GRIN2A: variants seen among roughly 807,000 people sequenced by gnomAD.
The protein encoded by GRIN2A is glutamate receptor ionotropic, NMDA 2A.
Under a neutral mutation model 113.4 loss-of-function variants are expected in GRIN2A, and 22 were observed. The observed-to-expected ratio is 0.19, with a 90% CI of 0.14 to 0.28. The LOEUF (loss-of-function observed/expected upper bound fraction) is 0.28. Among genes scored for constraint, GRIN2A ranks in the 10% least tolerant of loss-of-function variants. GRIN2A has a pLI of 1.00. For synonymous variants in GRIN2A, 827 were observed against 738.4 expected (o/e 1.12, Z -1.94); for missense variants, 1,502 against 1,887.0 (o/e 0.80, Z 3.78).
Position 10,065,322 on chromosome 16 carries a change from C to T in GRIN2A, c.414+114676G>A, listed in dbSNP as rs565907069. ...AAAACTTGTTAGCAAAAGAATGCAC[C>T]TGCAACCCAGAGCATCTACTCTTGT... On this transcript the variant is annotated intron_variant, in intron 2 of 12. Transcript: ENST00000330684. 7.2e-5 allele frequency among the ~76,000 whole-genome samples: 11 copies of T among 152,296 alleles called. 1 individual carries two copies. In the East Asian group the frequency reaches 2.1e-3, roughly 29 times the overall value.
chr16:10,077,213 CA>C (rs1391437588), intron 2 of GRIN2A, among the ~76,000 whole-genome samples: 1 of 152,146 alleles, frequency 6.6e-6, no homozygotes, highest in Non-Finnish European at 1.5e-5. Flanking sequence ...GATTTTAGCC[CA>C]GTGAGATGTG....
chr16:9,879,415 A>T (rs186434587), intron 4 of GRIN2A, among the ~76,000 whole-genome samples: 254 of 152,218 alleles, frequency 1.7e-3, no homozygotes, highest in Admixed American at 6.5e-3. Context: ...CTAAAAAAAA[A>T]TTTTTTTAAT....
chr16:9,903,031 C>T (rs1022160076), intron 3 of GRIN2A, among the ~76,000 whole-genome samples: 4 of 146,258 alleles, frequency 2.7e-5, no homozygotes, highest in African/African-American at 5.1e-5. Flanking sequence ...TGCAGTGGTA[C>T]GATCTCGGCT....
At chr16:10,145,824 C>G (rs901982562) in intron 2 of GRIN2A, among the ~76,000 whole-genome samples, 2 of 152,140 alleles carry the variant, frequency 1.3e-5, no homozygotes, top group African/African-American at 2.4e-5. Flanking sequence ...CAATTCTGTT[C>G]TAATAAAACT....
At chr16:9,797,477 A>G (rs2141227826) in intron 11 of GRIN2A, among the ~76,000 whole-genome samples, 1 of 152,334 alleles carries the variant, frequency 6.6e-6, no homozygotes, top group Middle Eastern at 3.4e-3. Context: ...CTGGTGACAC[A>G]GCTGGCCCAA....
chr16:10,009,989 C>G (rs984805808), intron 2 of GRIN2A, among the ~76,000 whole-genome samples: 1 of 152,250 alleles, frequency 6.6e-6, no homozygotes, highest in Non-Finnish European at 1.5e-5. Context: ...TGCACAGTCA[C>G]TTGTCTTGGG....
intron 2 of GRIN2A, among the ~76,000 whole-genome samples, chr16:10,012,902 G>C (rs1045491501): frequency 1.2e-4 from 19 of 152,186 alleles, no homozygotes; most frequent in Middle Eastern, 3.2e-3. Flanking sequence ...TTTTAAGCCA[G>C]TAAGTTTGCG....
At chr16:9,824,849 T>A (rs1007998101) in intron 9 of GRIN2A, among the ~76,000 whole-genome samples, 3 of 152,130 alleles carry the variant, frequency 2.0e-5, no homozygotes, top group African/African-American at 7.2e-5. Context: ...TAAAGAGTCA[T>A]GACCTACAGC....
chr16:10,009,279 T>A (rs746553662), intron 2 of GRIN2A, among the ~76,000 whole-genome samples: 15 of 152,222 alleles, frequency 9.9e-5, no homozygotes, highest in Non-Finnish European at 1.5e-4. Context: ...TGTAATCCCA[T>A]GTGGGTATTG....
At chr16:9,956,575 G>A (rs1197408089) in intron 2 of GRIN2A, among the ~76,000 whole-genome samples, 1 of 152,158 alleles carries the variant, frequency 6.6e-6, no homozygotes, top group African/African-American at 2.4e-5. Flanking sequence ...GTACAGTGCT[G>A]AAGGCTGAGA....
intron 11 of GRIN2A, among the ~76,000 whole-genome samples, chr16:9,791,999 A>C (rs1044357380): frequency 3.9e-5 from 6 of 152,112 alleles, no homozygotes; most frequent in Admixed American, 3.9e-4. Context: ...CAATCTGTTA[A>C]CAATCTAGAT....
intron 4 of GRIN2A, among the ~76,000 whole-genome samples, chr16:9,866,619 T>C (rs2043164364): frequency 2.6e-5 from 4 of 152,208 alleles, no homozygotes; most frequent in Admixed American, 2.6e-4. Context: ...ATAATATTGG[T>C]GATTTCATCC....
At chr16:9,800,166 G>C (rs1234981779) in intron 10 of GRIN2A, among the ~76,000 whole-genome samples, 2 of 151,950 alleles carry the variant, frequency 1.3e-5, no homozygotes, top group African/African-American at 2.4e-5. Flanking sequence ...GTAGAGACAG[G>C]GTTTCACCAG....
chr16:9,847,603 A>G (rs1252679313), intron 5 of GRIN2A, among the ~76,000 whole-genome samples: 1 of 151,168 alleles, frequency 6.6e-6, no homozygotes, highest in Non-Finnish European at 1.5e-5. Flanking sequence ...TTTTTAACAC[A>G]TAAAAATATA....
chr16:9,836,964 T>C (rs2141332426), intron 7 of GRIN2A, among the ~76,000 whole-genome samples: 1 of 152,332 alleles, frequency 6.6e-6, no homozygotes, highest in African/African-American at 2.4e-5. Flanking sequence ...ATGCCATCTC[T>C]GTCCTTGAAG....
At chr16:10,015,969 G>C (rs997477845) in intron 2 of GRIN2A, among the ~76,000 whole-genome samples, 1 of 151,962 alleles carries the variant, frequency 6.6e-6, no homozygotes, top group South Asian at 2.1e-4. Context: ...TACAAAAATT[G>C]GTTGGGTGTG....
chr16:9,772,188 A>G (rs189675556), intron 11 of GRIN2A, among the ~76,000 whole-genome samples: 15 of 152,308 alleles, frequency 9.8e-5, no homozygotes, highest in Admixed American at 9.8e-4. Context: ...GCACAGTCAC[A>G]AAGTCATGGG....
intron 10 of GRIN2A, among the ~76,000 whole-genome samples, chr16:9,802,039 A>C (rs1400431503): frequency 6.6e-6 from 1 of 152,212 alleles, no homozygotes; most frequent in African/African-American, 2.4e-5. Flanking sequence ...ACCAGTCAGA[A>C]AGGGCTATTA....
At chr16:10,174,723 C>T (rs1418196726) in intron 2 of GRIN2A, among the ~76,000 whole-genome samples, 1 of 151,680 alleles carries the variant, frequency 6.6e-6, no homozygotes, top group African/African-American at 2.4e-5. Context: ...AATAATAGAC[C>T]ATCCATGCTG....
Sources: gnomAD v4.1 joint callset for allele counts (sites outside exome capture counted in the v4.1 genomes callset) on GRCh38, gnomAD v4.1.1 for gene constraint, MANE v1.5 for transcripts, NCBI Gene and HGNC (gene_info 2026-07-23, HGNC 2026-07-21) for gene names.